Variants in ALDH1L2 observed in about 807,000 individuals in gnomAD.
ALDH1L2 encodes the protein aldehyde dehydrogenase 1 family member L2, also known as mitochondrial 10-formyltetrahydrofolate dehydrogenase.
Under a neutral mutation model 111.0 loss-of-function variants are expected in ALDH1L2, and 91 were observed. That is an observed-to-expected ratio of 0.82 (90% CI 0.69 to 0.98). The LOEUF (loss-of-function observed/expected upper bound fraction) is 0.98, where lower values mean the gene tolerates loss of function less well. Ranked by LOEUF, ALDH1L2 falls within the 50% of genes least tolerant of loss-of-function variation. ALDH1L2 has a pLI of 0.00. For missense variants in ALDH1L2, 995 were observed against 1,126.8 expected (o/e 0.88, Z 1.67); for synonymous variants, 374 against 392.6 (o/e 0.95, Z 0.56).
rs574814355 is a variant in ALDH1L2 at position 105,038,143 on chromosome 12, A to G, written c.2105T>C (p.Ile702Thr). The G allele has an allele frequency of 1.8e-5, 29 of 1,613,776 alleles. No homozygotes were observed. The East Asian group carries it at 2.2e-4, about 12-fold the overall frequency. Residue 702 changes from isoleucine (I) to threonine (T), a missense_variant, in exon 18 of 23, where the codon ATA becomes ACA. Coordinates refer to ENST00000258494, the MANE Select transcript of ALDH1L2 (RefSeq NM_001034173.4). ...SLELGGKSPLIIFNDCELDKA... is the reference protein window; with the variant it reads ...SLELGGKSPLTIFNDCELDKA... ...GTCAAGTTCACAGTCATTAAATATT[A>G]TAAGTGGAGACTTGCCACCAAGCTC...
chr12:105,026,603 CTTG>C lies in ALDH1L2; in HGVS notation c.2655_2657del (p.Asn885del), dbSNP rs766968165. 2.9e-5 allele frequency: 47 copies of C among 1,614,130 alleles called. No homozygotes were observed. Among genetic ancestry groups the C allele is most frequent in the East Asian group, 8.9e-5 (4 of 44,880 alleles). ...CGCCAAATGGGGCCGCCACATCTGT[CTTG>C]TTGTATGTGTTAATAAAAACAGTTC... is the stretch of plus-strand genomic sequence containing the variant. On this transcript the variant is annotated inframe_deletion, in exon 22 of 23. Transcript: ENST00000258494.
chr12:105,068,794 T>G lies in ALDH1L2; in HGVS notation c.519A>C (p.Ser173=), dbSNP rs903901097. The G allele has an allele frequency of 1.2e-6, 2 of 1,609,720 alleles. No individual in the cohort carries two copies. Among genetic ancestry groups the G allele is most frequent in the East Asian group, 4.5e-5 (2 of 44,662 alleles). The change falls in exon 4 of 23, where the codon TCA becomes TCC. Residue 173 remains serine (S), a synonymous_variant. Coordinates refer to ENST00000258494, the MANE Select transcript of ALDH1L2 (RefSeq NM_001034173.4). ...LDTGPILLQR[S]CDVEPNDTVD... is the part of the protein sequence containing the mutation. ...CTGTATCATTGGGTTCAACATCACA[T>G]GATCTCTGAAGAAGGATGGGTCCTG...
At chr12:105,044,388 C>T (rs201528888) in intron 15 of ALDH1L2, among the ~76,000 whole-genome samples, 2 of 60,394 alleles carry the variant, frequency 3.3e-5, no homozygotes, top group African/African-American at 1.1e-4. Flanking sequence ...CAACTCAGAC[C>T]AATTAAATCA....
chr12:105,027,080 G>T (rs563283036), intron 21 of ALDH1L2, among the ~76,000 whole-genome samples: 1 of 152,274 alleles, frequency 6.6e-6, no homozygotes, highest in South Asian at 2.1e-4. Context: ...TCCCTGTGTT[G>T]CCCAGGCTGA....
At chr12:105,025,367 G>A (rs1201492806) in intron 22 of ALDH1L2, among the ~76,000 whole-genome samples, 3 of 152,196 alleles carry the variant, frequency 2.0e-5, no homozygotes, top group Non-Finnish European at 4.4e-5. Context: ...ATTGGGGGAG[G>A]AAGAAACTAT....
intron 18 of ALDH1L2, among the ~76,000 whole-genome samples, chr12:105,035,110 A>C (rs1167861273): frequency 1.3e-5 from 2 of 152,116 alleles, no homozygotes; most frequent in Non-Finnish European, 2.9e-5. Flanking sequence ...CACCTTACCC[A>C]GCTAATTTTT....
At chr12:105,058,408 C>T (rs1876773091) in intron 9 of ALDH1L2, among the ~76,000 whole-genome samples, 188 bp from the exon 10 acceptor site, 1 of 152,164 alleles carries the variant, frequency 6.6e-6, no homozygotes, top group Non-Finnish European at 1.5e-5. Context: ...AAAAATATAT[C>T]TTGAAGGACA....
intron 17 of ALDH1L2, 115 bp downstream of exon 17, chr12:105,039,598 G>A: frequency 1.3e-6 from 1 of 769,178 alleles, no homozygotes; most frequent in Admixed American, 2.2e-5. Context: ...GTGATAAGTA[G>A]ATTTCCCTTC....
intron 7 of ALDH1L2, among the ~76,000 whole-genome samples, chr12:105,062,572 G>A (rs1018085027): frequency 6.6e-6 from 1 of 152,180 alleles, no homozygotes; most frequent in South Asian, 2.1e-4. Flanking sequence ...TGGGAAGGCA[G>A]ACAGACAAGA....
chr12:105,034,414 A>T lies in ALDH1L2; in HGVS notation c.2146-16T>A. On this transcript the variant is annotated splice_polypyrimidine_tract_variant and intron_variant, in intron 18 of 22. Transcript: ENST00000258494. ...CTCCCATGCCCTTCAGTGGGAGAAG[A>T]GAAAATATTGCTAACATCATTTGAG... 1 of 1,599,958 alleles carries T rather than the reference A, an allele frequency of 6.3e-7. No individual in the cohort carries two copies. Among genetic ancestry groups the T allele is most frequent in the Non-Finnish European group, 8.5e-7 (1 of 1,169,854 alleles).
intron 15 of ALDH1L2, among the ~76,000 whole-genome samples, chr12:105,043,265 A>G (rs567051573): frequency 2.0e-5 from 3 of 152,336 alleles, no homozygotes; most frequent in East Asian, 3.9e-4. Context: ...ATGGGTTCAC[A>G]GGCTATGTTG....
chr12:105,040,125 C>CAAAA lies in ALDH1L2; in HGVS notation c.1952-323_1952-320dup, dbSNP rs11284250. 6.6e-4 allele frequency among the ~76,000 whole-genome samples: 39 copies of CAAAA among 59,092 alleles called. 2 individuals carry two copies. Among genetic ancestry groups the CAAAA allele is most frequent in the African/African-American group, 2.3e-3 (33 of 14,560 alleles). The allele number at this position is 59,092 out of a possible 152,430, so 38.8% of individuals were successfully genotyped here. ...GGGGCAACAGAGTGAGACTCCGTCT[C>CAAAA]AAAAAAAAAAAAAAAAAAAAAAAAA... On this transcript the variant is annotated intron_variant, in intron 16 of 22. Transcript: ENST00000258494.
chr12:105,067,722 C>A (rs528954332), intron 4 of ALDH1L2, among the ~76,000 whole-genome samples: 1 of 152,138 alleles, frequency 6.6e-6, no homozygotes, highest in African/African-American at 2.4e-5. Context: ...CAAGAGCACA[C>A]GGAGGGAGCC....
intron 15 of ALDH1L2, among the ~76,000 whole-genome samples, chr12:105,043,006 T>C (rs1875632441): frequency 6.6e-6 from 1 of 152,238 alleles, no homozygotes; most frequent in Admixed American, 6.5e-5. Context: ...ATAGTGGAAC[T>C]TTTATTTATA....
chr12:105,059,520 T>C (rs1413685495), intron 9 of ALDH1L2, among the ~76,000 whole-genome samples: 1 of 152,106 alleles, frequency 6.6e-6, no homozygotes, highest in African/African-American at 2.4e-5. Flanking sequence ...AGTATTGAAA[T>C]ATTTAGTTAA....
intron 15 of ALDH1L2, among the ~76,000 whole-genome samples, chr12:105,044,997 G>A (rs931071415): frequency 7.9e-5 from 12 of 152,124 alleles, no homozygotes; most frequent in African/African-American, 2.9e-4. Context: ...AAATTTTGAA[G>A]TATAAAATAT....
chr12:105,030,509 T>A (rs1874642151), intron 20 of ALDH1L2, 80 bp from the exon 21 acceptor site: 7 of 1,215,072 alleles, frequency 5.8e-6, no homozygotes, highest in Non-Finnish European at 7.9e-6. Context: ...TTAATTACAT[T>A]ATAATTTTTT....
Position 105,030,362 on chromosome 12 carries a change from G to A in ALDH1L2, c.2478C>T (p.Ser826=), listed in dbSNP as rs763432825. ...EDYMYLAKEE[S]FGPIMVISKF... ...TAGAAATGACCATAATAGGCCCAAAGGATTCCTCTTTGGCGAGGTACATGT... is the reference window on the plus strand; with the variant it reads ...TAGAAATGACCATAATAGGCCCAAAAGATTCCTCTTTGGCGAGGTACATGT... The change falls in exon 21 of 23, where the codon TCC becomes TCT. Residue 826 remains serine, a synonymous_variant. Coordinates refer to ENST00000258494, the MANE Select transcript of ALDH1L2 (RefSeq NM_001034173.4). The A allele has an allele frequency of 6.2e-7, 1 of 1,613,470 alleles. No individual in the cohort carries two copies. The highest frequency in any genetic ancestry group is 1.1e-5 in the South Asian group (1 of 90,970).
At chr12:105,082,062 T>G (rs978998982) in intron 1 of ALDH1L2, among the ~76,000 whole-genome samples, 9 of 152,028 alleles carry the variant, frequency 5.9e-5, no homozygotes, top group Non-Finnish European at 7.4e-5. Flanking sequence ...GGCATGGTGG[T>G]GCATGTCTGT....
Sources: allele counts gnomAD v4.1 joint callset (sites outside exome capture counted in the v4.1 genomes callset), GRCh38; gene constraint gnomAD v4.1.1; transcripts MANE v1.5; gene names NCBI Gene and HGNC (gene_info 2026-07-23, HGNC 2026-07-21).